Variants in SLCO1C1 observed in about 807,000 individuals in gnomAD.
The protein encoded by SLCO1C1 is OAT-RP-5.
Under a neutral mutation model 76.4 loss-of-function variants are expected in SLCO1C1, and 70 were observed. The observed-to-expected ratio is 0.92, with a 90% CI of 0.76 to 1.12. The LOEUF is 1.12. Ranked by LOEUF, SLCO1C1 falls within the 50% of genes most tolerant of loss-of-function variation. The pLI, the probability that SLCO1C1 is intolerant of heterozygous loss-of-function variation, is 0.00. For missense variants in SLCO1C1, 912 were observed against 823.8 expected (o/e 1.11, Z -1.31); for synonymous variants, 306 against 286.1 (o/e 1.07, Z -0.70).
At chr12:20,703,732 G>T (rs770318786) in intron 3 of SLCO1C1, among the ~76,000 whole-genome samples, 14 of 151,628 alleles carry the variant, frequency 9.2e-5, no homozygotes, top group Non-Finnish European at 1.6e-4. Context: ...TGGTACTCTT[G>T]TACTACTATA....
chr12:20,745,235 T>C (rs1394512197), intron 13 of SLCO1C1, among the ~76,000 whole-genome samples: 1 of 152,180 alleles, frequency 6.6e-6, no homozygotes, highest in Non-Finnish European at 1.5e-5. Context: ...ATCAAAATTA[T>C]ATAAGGTTTG....
chr12:20,701,731 G>T (rs890812979), intron 3 of SLCO1C1, among the ~76,000 whole-genome samples: 4 of 151,864 alleles, frequency 2.6e-5, no homozygotes, highest in African/African-American at 9.7e-5. Context: ...TTTCTTGGAG[G>T]AAAGGGTGAG....
Position 20,717,186 on chromosome 12 carries a change from C to T in SLCO1C1, c.731C>T (p.Ser244Leu), listed in dbSNP as rs1053118916. ...CCAATCTTTGGTTTCCTGTTAGGCTCATTATGTGCCAAACTATATGTTGAC... is the reference window on the plus strand; with the variant it reads ...CCAATCTTTGGTTTCCTGTTAGGCTTATTATGTGCCAAACTATATGTTGAC... ...IGPIFGFLLG[S>L]LCAKLYVDIG... Residue 244 changes from serine (S) to leucine (L), a missense_variant, in exon 7 of 15, where the codon TCA (serine) becomes TTA (leucine). Ser to Leu is a moderately radical substitution (Grantham distance 145). Coordinates refer to ENST00000266509, the MANE Select transcript of SLCO1C1 (RefSeq NM_017435.5). The T allele has an allele frequency of 8.1e-6, 13 of 1,600,466 alleles. No homozygotes were observed. Among genetic ancestry groups the T allele is most frequent in the Non-Finnish European group, 6.0e-6 (7 of 1,175,654 alleles).
chr12:20,710,322 C>T (rs144782171), intron 4 of SLCO1C1, among the ~76,000 whole-genome samples: 3 of 150,940 alleles, frequency 2.0e-5, no homozygotes, highest in Non-Finnish European at 4.4e-5. Context: ...ATTCTCCTGC[C>T]TCAGCCTCCC....
chr12:20,720,034 T>G (rs1345163877), intron 7 of SLCO1C1, among the ~76,000 whole-genome samples: 1 of 152,190 alleles, frequency 6.6e-6, no homozygotes, highest in Non-Finnish European at 1.5e-5. Context: ...CTGGTGACTT[T>G]AAGTTGAAGC....
At chr12:20,715,351 C>T in intron 6 of SLCO1C1, 66 bp downstream of exon 6, 1 of 1,563,492 alleles carries the variant, frequency 6.4e-7, no homozygotes, top group South Asian at 1.2e-5. Context: ...CTGAATTCCC[C>T]TCTATGCTAA....
At chr12:20,725,592 G>A (rs1947939515) in intron 9 of SLCO1C1, among the ~76,000 whole-genome samples, 1 of 147,842 alleles carries the variant, frequency 6.8e-6, no homozygotes, top group Admixed American at 6.8e-5. Flanking sequence ...GGACATTTGT[G>A]TTGTTTTCTT....
intron 3 of SLCO1C1, among the ~76,000 whole-genome samples, chr12:20,702,399 A>T (rs1946567508): frequency 6.6e-6 from 1 of 151,600 alleles, no homozygotes; most frequent in Admixed American, 6.6e-5. Context: ...TCCCAAATTC[A>T]TCTTTTGTCA....
chr12:20,743,099 A>C (rs547141308), intron 12 of SLCO1C1, among the ~76,000 whole-genome samples: 1 of 152,268 alleles, frequency 6.6e-6, no homozygotes, highest in East Asian at 1.9e-4. Context: ...TAGAAATATT[A>C]ATTATAAACT....
In SLCO1C1 at chr12:20,723,090, A is replaced by G. The variant is rs139488253; in HGVS notation, c.1022A>G (p.Asp341Gly). 1.1e-5 allele frequency: 17 copies of G among 1,601,128 alleles called. No homozygotes were observed. The highest frequency in any genetic ancestry group is 3.3e-4 in the Middle Eastern group (2 of 6,002). Residue 341 changes from aspartate to glycine, a missense_variant and splice_region_variant, in exon 9 of 15, where the codon GAT (aspartate) becomes GGT (glycine). Asp to Gly is a moderately conservative substitution (Grantham distance 94, BLOSUM62 -1). Coordinates refer to ENST00000266509, the MANE Select transcript of SLCO1C1 (RefSeq NM_017435.5). ...ENAKIMEMAR[D>G]FLPSLKNLFG... Reference sequence around the variant, plus strand: ...AGTCTATGTTATTTTTGTTTTACAGATTTTCTTCCATCACTGAAGAATCTT... The same window carrying G: ...AGTCTATGTTATTTTTGTTTTACAGGTTTTCTTCCATCACTGAAGAATCTT...
chr12:20,728,470 C>A (rs1948127579), intron 9 of SLCO1C1, among the ~76,000 whole-genome samples: 1 of 151,686 alleles, frequency 6.6e-6, no homozygotes, highest in Admixed American at 6.6e-5. Context: ...TAGACAAGAT[C>A]TCTAGTAGAC....
intron 4 of SLCO1C1, among the ~76,000 whole-genome samples, chr12:20,706,398 G>A (rs1442255994): frequency 6.6e-6 from 1 of 152,064 alleles, no homozygotes; most frequent in African/African-American, 2.4e-5. Context: ...CATGGTAAAT[G>A]TCAAATAGGT....
intron 13 of SLCO1C1, among the ~76,000 whole-genome samples, chr12:20,749,581 A>G (rs10841605): frequency 0.46 from 69,651 of 152,158 alleles, 17,829 homozygotes; most frequent in South Asian, 0.63. Flanking sequence ...CCAATTTAGA[A>G]CATATAAAAT....
chr12:20,710,866 G>T (rs1947055756), intron 4 of SLCO1C1, among the ~76,000 whole-genome samples: 1 of 151,988 alleles, frequency 6.6e-6, no homozygotes, highest in Admixed American at 6.6e-5. Context: ...TTTTTCACCT[G>T]GGGGGAGGTG....
intron 13 of SLCO1C1, among the ~76,000 whole-genome samples, chr12:20,745,521 GTA>G (rs999181946): frequency 5.3e-5 from 8 of 151,930 alleles, no homozygotes; most frequent in Non-Finnish European, 1.2e-4. Context: ...AGTGATACAA[GTA>G]TAAAATAAAA....
At chr12:20,740,806 T>C (rs1948779145) in intron 12 of SLCO1C1, among the ~76,000 whole-genome samples, 2 of 129,112 alleles carry the variant, frequency 1.5e-5, no homozygotes, top group Non-Finnish European at 3.3e-5. Context: ...TATATATATA[T>C]ATATATATAT....
chr12:20,704,387 T>C (rs1946678030), intron 3 of SLCO1C1, among the ~76,000 whole-genome samples: 1 of 151,694 alleles, frequency 6.6e-6, no homozygotes, highest in African/African-American at 2.4e-5. Context: ...AGGAGAGAAT[T>C]ACCTATAAAG....
chr12:20,743,246 A>C, intron 12 of SLCO1C1, 59 bp from the exon 13 acceptor site: 1 of 1,491,468 alleles, frequency 6.7e-7, no homozygotes, highest in South Asian at 1.2e-5. Context: ...TATCCTTCAA[A>C]TTTCTATTTG....
intron 11 of SLCO1C1, among the ~76,000 whole-genome samples, chr12:20,739,924 A>G (rs1319483471): frequency 1.3e-5 from 2 of 152,182 alleles, no homozygotes; most frequent in African/African-American, 2.4e-5. Context: ...GAGGTAAGGT[A>G]TGGTTAGATT....
Sources: allele counts gnomAD v4.1 joint callset (sites outside exome capture counted in the v4.1 genomes callset), GRCh38; gene constraint gnomAD v4.1.1; transcripts MANE v1.5; gene names NCBI Gene and HGNC (gene_info 2026-07-23, HGNC 2026-07-21).